Variants in CUEDC1 observed in about 807,000 individuals in gnomAD.
CUEDC1 encodes the protein CUE domain containing 1, also known as CUE domain-containing protein 1.
CUEDC1 carries 30 observed loss-of-function variants against 43.7 expected under a neutral mutation model. The observed-to-expected ratio is 0.69, with a 90% CI of 0.51 to 0.93. The LOEUF (loss-of-function observed/expected upper bound fraction) is 0.93. CUEDC1 is among the 40% of genes least tolerant of loss of function. The pLI is 0.00. For missense variants in CUEDC1, 486 were observed against 549.0 expected, an observed-to-expected ratio of 0.89 and a Z score of 1.15; for synonymous variants, 223 against 223.6, an observed-to-expected ratio of 1.00 and a Z score of 0.02.
chr17:57,940,898 C>A (rs528534015), intron 1 of CUEDC1, among the ~76,000 whole-genome samples: 2 of 152,240 alleles, frequency 1.3e-5, no homozygotes, highest in Admixed American at 1.3e-4. Flanking sequence ...AGAACTCCCA[C>A]GCAGCCCCTG....
At chr17:57,867,543 A>G in intron 8 of CUEDC1, 128 bp from the exon 9 acceptor site, 1 of 798,644 alleles carries the variant, frequency 1.3e-6, no homozygotes, top group South Asian at 1.5e-5. Context: ...CTGACCCCCC[A>G]CACCCTTAGT....
rs985085375 is a variant in CUEDC1, at chr17:57,863,862, G to C, written c.*4-577C>G. ...CTAAAAATACAAAAATTAGCCGGGCGGGGTGGCACGTGCCTGTAATCCCAG... is the reference window on the plus strand; with the variant it reads ...CTAAAAATACAAAAATTAGCCGGGCCGGGTGGCACGTGCCTGTAATCCCAG... On this transcript the variant is annotated intron_variant, in intron 10 of 10. Coordinates refer to ENST00000577830, the MANE Select transcript of CUEDC1 (RefSeq NM_001271875.2). Among the ~76,000 whole-genome samples, 6 of 151,960 alleles carry C rather than the reference G, an allele frequency of 3.9e-5. No homozygotes were observed. In the South Asian group the frequency reaches 1.2e-3, roughly 32 times the overall value.
chr17:57,920,121 A>G (rs183656330), intron 1 of CUEDC1, among the ~76,000 whole-genome samples: 2 of 152,284 alleles, frequency 1.3e-5, no homozygotes, highest in East Asian at 3.9e-4. Context: ...GCTAGCAATT[A>G]AGGGCCCAGT....
At chr17:57,869,094 A>T in intron 7 of CUEDC1, 28 bp downstream of exon 7, 1 of 1,611,498 alleles carries the variant, frequency 6.2e-7, no homozygotes. Flanking sequence ...AAAGCTGGGG[A>T]GGGAAGCGGG....
rs1003905261 is a variant in CUEDC1, at chr17:57,922,950, A to C, written c.-316+32275T>G. Among the ~76,000 whole-genome samples the C allele has an allele frequency of 2.7e-5, 4 of 150,190 alleles. No individual in the cohort carries two copies. The Admixed American group carries it at 2.7e-4, about 10-fold the overall frequency. On this transcript the variant is annotated intron_variant, in intron 1 of 10. Transcript: ENST00000577830. Reference sequence around the variant, plus strand: ...CAGTACAGTGGCATGAACATGGCTCACTGCAGCCTTGACCTCCAGGGCTCA... The same window carrying C: ...CAGTACAGTGGCATGAACATGGCTCCCTGCAGCCTTGACCTCCAGGGCTCA...
rs1415891835 is a variant in CUEDC1, at chr17:57,861,615, G to A, written c.*1674C>T. ...TCAGAGCACCAAGAGAACACCAACT[G>A]TTTATTACAGGAATTCCTATGAAAC... is the stretch of plus-strand genomic sequence containing the variant. On this transcript the variant is annotated 3_prime_UTR_variant, in exon 11 of 11. Coordinates refer to ENST00000577830, the MANE Select transcript of CUEDC1 (RefSeq NM_001271875.2). The A allele has an allele frequency of 2.6e-5, 4 of 152,340 alleles. No individual in the cohort carries two copies. The highest frequency in any genetic ancestry group is 2.6e-4 in the Admixed American group (4 of 15,278). 9.4% of individuals were successfully genotyped at this position (152,340 alleles called of 1,614,324 possible). A position where few individuals can be genotyped will look rare whatever the true frequency, so the allele number is the denominator to read the frequency against.
At chr17:57,907,339 G>A (rs1289687002) in intron 1 of CUEDC1, among the ~76,000 whole-genome samples, 3 of 152,188 alleles carry the variant, frequency 2.0e-5, no homozygotes, top group Non-Finnish European at 4.4e-5. Context: ...GGGGAAGAGA[G>A]ATACTGGAGG....
intron 1 of CUEDC1, among the ~76,000 whole-genome samples, chr17:57,899,105 G>A (rs1308069700): frequency 2.0e-5 from 3 of 152,200 alleles, no homozygotes; most frequent in Non-Finnish European, 4.4e-5. Context: ...GCCCAGGGCT[G>A]AGCTTCAAAA....
At chr17:57,918,744 TTC>T (rs2074669341) in intron 1 of CUEDC1, among the ~76,000 whole-genome samples, 1 of 152,252 alleles carries the variant, frequency 6.6e-6, no homozygotes, top group South Asian at 2.1e-4. Flanking sequence ...GGGTTTGCTG[TTC>T]TAAGGCTTTG....
At chr17:57,865,505 C>T (rs1157551465) in intron 10 of CUEDC1, among the ~76,000 whole-genome samples, 1 of 152,194 alleles carries the variant, frequency 6.6e-6, no homozygotes, top group Non-Finnish European at 1.5e-5. Flanking sequence ...TAGATGCTGC[C>T]CACTGGGACC....
rs1252206594 is a variant in CUEDC1 at position 57,871,381 on chromosome 17, C to G, written c.785-12G>C. On this transcript the variant is annotated splice_polypyrimidine_tract_variant and intron_variant, in intron 5 of 10. Transcript: ENST00000577830. The stretch of plus-strand genomic sequence containing the variant: ...GTATTTCAATCGATCTGGAAAAGGA[C>G]CACATTCACAGGTCAGGGAGGTTAG... The G allele has an allele frequency of 6.2e-7, 1 of 1,611,750 alleles. No homozygotes were observed. The highest frequency in any genetic ancestry group is 2.2e-5 in the East Asian group (1 of 44,880).
intron 1 of CUEDC1, among the ~76,000 whole-genome samples, chr17:57,942,008 G>C (rs986436992): frequency 6.6e-6 from 1 of 152,154 alleles, no homozygotes; most frequent in African/African-American, 2.4e-5. Context: ...GGCAGGGCTG[G>C]TCTGAAGGAG....
At chr17:57,864,540 G>C (rs903493505) in intron 10 of CUEDC1, among the ~76,000 whole-genome samples, 2 of 152,156 alleles carry the variant, frequency 1.3e-5, no homozygotes, top group African/African-American at 4.8e-5. Flanking sequence ...AGGGGAGTGC[G>C]TGTGGAAGAG....
intron 1 of CUEDC1, among the ~76,000 whole-genome samples, chr17:57,899,706 T>C (rs1315411948): frequency 3.3e-5 from 5 of 152,142 alleles, no homozygotes; most frequent in Non-Finnish European, 7.4e-5. Context: ...CTCGCAGCCA[T>C]AGGACACAGA....
At chr17:57,908,167 C>T (rs1302227091) in intron 1 of CUEDC1, among the ~76,000 whole-genome samples, 1 of 152,172 alleles carries the variant, frequency 6.6e-6, no homozygotes, top group Non-Finnish European at 1.5e-5. Flanking sequence ...AGTGATTCTT[C>T]TGTCTCAGCC....
chr17:57,917,923 G>T (rs1798597194), intron 1 of CUEDC1, among the ~76,000 whole-genome samples: 1 of 152,190 alleles, frequency 6.6e-6, no homozygotes, highest in South Asian at 2.1e-4. Context: ...CTTTTTTGGT[G>T]GGGTACATGG....
chr17:57,894,444 G>A (rs1285958373), intron 1 of CUEDC1, among the ~76,000 whole-genome samples: 2 of 152,102 alleles, frequency 1.3e-5, no homozygotes, highest in Non-Finnish European at 2.9e-5. Context: ...GCCGAGGCGG[G>A]CAGATCATCT....
chr17:57,896,429 G>C (rs1348614931), intron 1 of CUEDC1, among the ~76,000 whole-genome samples: 2 of 149,370 alleles, frequency 1.3e-5, no homozygotes, highest in African/African-American at 2.5e-5. Context: ...CAAGACCTAA[G>C]GGAACAATGC....
chr17:57,902,193 G>GAA (rs11420183), intron 1 of CUEDC1, among the ~76,000 whole-genome samples: 14 of 141,024 alleles, frequency 9.9e-5, no homozygotes, highest in South Asian at 4.5e-4. Context: ...CTCCACCTCA[G>GAA]AAAAAAAAAA....
Sources: gnomAD v4.1 joint callset for allele counts (sites outside exome capture counted in the v4.1 genomes callset) on GRCh38, gnomAD v4.1.1 for gene constraint, MANE v1.5 for transcripts, NCBI Gene and HGNC (gene_info 2026-07-23, HGNC 2026-07-21) for gene names.